Variants in GPHN observed in about 807,000 individuals in gnomAD.
GPHN encodes gephyrin.
A neutral mutation model predicts 95.5 loss-of-function variants in GPHN; 17 were observed. The ratio of observed to expected loss-of-function variants is 0.18; its 90% confidence interval spans 0.12 to 0.27. The LOEUF (loss-of-function observed/expected upper bound fraction) is 0.27, where lower values mean the gene tolerates loss of function less well. GPHN is among the 10% of genes least tolerant of loss of function. The pLI is 1.00. For missense variants in GPHN, 660 were observed against 978.1 expected, an observed-to-expected ratio of 0.67 and a Z score of 4.34; for synonymous variants, 320 against 322.5, an observed-to-expected ratio of 0.99 and a Z score of 0.08.
the GPHN span, among the ~76,000 whole-genome samples, chr14:67,197,697 A>C: frequency 2.0e-5 from 3 of 152,148 alleles, no homozygotes; most frequent in Admixed American, 1.3e-4. Flanking sequence ...CTGCTTACAA[A>C]AAGGGATTGG....
At chr14:66,647,629 CAAT>C (rs1043486985) in intron 1 of GPHN, among the ~76,000 whole-genome samples, 3 of 151,486 alleles carry the variant, frequency 2.0e-5, no homozygotes, top group African/African-American at 7.3e-5. Flanking sequence ...ATGAGATTAA[CAAT>C]AACTAATAAT....
chr14:67,139,827 G>A (rs2080343819), intron 17 of GPHN, among the ~76,000 whole-genome samples: 1 of 152,058 alleles, frequency 6.6e-6, no homozygotes, highest in Non-Finnish European at 1.5e-5. Context: ...GATAGAGTAT[G>A]GCAGGACCCA....
chr14:67,489,923 G>C, the GPHN span, among the ~76,000 whole-genome samples: 1 of 151,948 alleles, frequency 6.6e-6, no homozygotes, highest in South Asian at 2.1e-4. Flanking sequence ...CTGGGAGGCA[G>C]AGCTTGCAGT....
chr14:67,380,101 T>C, the GPHN span, among the ~76,000 whole-genome samples: 3 of 152,194 alleles, frequency 2.0e-5, no homozygotes, highest in Non-Finnish European at 2.9e-5. Flanking sequence ...CTTTACTTTT[T>C]ACAGTGCTAC....
chr14:67,610,895 A>G, the GPHN span: 5 of 152,184 alleles, frequency 3.3e-5, no homozygotes, highest in African/African-American at 7.2e-5. Flanking sequence ...ATTATTAATT[A>G]AATTATTTCT....
At chr14:67,631,454 GA>G in the GPHN span, among the ~76,000 whole-genome samples, 2 of 28,408 alleles carry the variant, frequency 7.0e-5, no homozygotes, top group Admixed American at 4.0e-4. Context: ...TTTTTTTTTT[GA>G]GACAGGGTCT....
the GPHN span, among the ~76,000 whole-genome samples, chr14:67,655,416 G>A: frequency 1.3e-5 from 2 of 152,168 alleles, no homozygotes; most frequent in African/African-American, 2.4e-5. Context: ...CAGAGTGACA[G>A]CAGACTAGAG....
chr14:67,278,819 G>A, the GPHN span, among the ~76,000 whole-genome samples: 1 of 152,018 alleles, frequency 6.6e-6, no homozygotes, highest in African/African-American at 2.4e-5. Context: ...CACATTTTTG[G>A]AAAGGGACTT....
At chr14:67,312,746 A>G in the GPHN span, 1 of 1,417,636 alleles carries the variant, frequency 7.1e-7, no homozygotes, top group South Asian at 1.7e-5. Flanking sequence ...CATAATATTA[A>G]AAGAACATTG....
the GPHN span, among the ~76,000 whole-genome samples, chr14:67,258,944 G>A: frequency 6.6e-6 from 1 of 152,000 alleles, no homozygotes; most frequent in East Asian, 1.9e-4. Flanking sequence ...CCGGGTTCAA[G>A]TGATTTTCCT....
the GPHN span, among the ~76,000 whole-genome samples, chr14:67,496,767 C>T: frequency 8.3e-6 from 1 of 120,088 alleles, no homozygotes; most frequent in Non-Finnish European, 1.8e-5. Flanking sequence ...CCCTCCCTCC[C>T]TTCCTCCCTC....
At chr14:66,519,180 C>A (rs528924941) in intron 1 of GPHN, among the ~76,000 whole-genome samples, 1 of 151,902 alleles carries the variant, frequency 6.6e-6, no homozygotes, top group African/African-American at 2.4e-5. Flanking sequence ...TTATGTCATT[C>A]TTTTAATTAG....
the GPHN span, among the ~76,000 whole-genome samples, chr14:67,296,712 T>C: frequency 2.7e-4 from 41 of 152,076 alleles, no homozygotes; most frequent in Admixed American, 1.6e-3. Context: ...AATTAACTTA[T>C]ATGAATAGGT....
At chr14:66,703,090 AG>A (rs1329190179) in intron 2 of GPHN, among the ~76,000 whole-genome samples, 1 of 152,188 alleles carries the variant, frequency 6.6e-6, no homozygotes, top group Non-Finnish European at 1.5e-5. Context: ...ACAAGAGTAG[AG>A]ATAAAAGAAT....
At chr14:66,526,688 G>C (rs1353905772) in intron 1 of GPHN, among the ~76,000 whole-genome samples, 1 of 152,050 alleles carries the variant, frequency 6.6e-6, no homozygotes, top group Non-Finnish European at 1.5e-5. Flanking sequence ...AGCATGAAGG[G>C]GTGTTGAATT....
chr14:67,003,838 A>C (rs1370006538), intron 9 of GPHN, among the ~76,000 whole-genome samples: 1 of 151,668 alleles, frequency 6.6e-6, no homozygotes, highest in African/African-American at 2.4e-5. Context: ...CTGTTTCTTC[A>C]TATCTTGTAA....
the GPHN span, among the ~76,000 whole-genome samples, chr14:67,490,422 G>A: frequency 6.6e-6 from 1 of 152,212 alleles, no homozygotes; most frequent in South Asian, 2.1e-4. Flanking sequence ...GGCATCAGGG[G>A]AGATACTGCA....
At chr14:67,514,822 C>T in the GPHN span, among the ~76,000 whole-genome samples, 1 of 152,206 alleles carries the variant, frequency 6.6e-6, no homozygotes, top group Non-Finnish European at 1.5e-5. Context: ...CCCAACACGC[C>T]CCCCTGTGCG....
the GPHN span, chr14:67,642,089 A>G: frequency 1.7e-6 from 2 of 1,160,964 alleles, no homozygotes; most frequent in South Asian, 1.4e-5. Flanking sequence ...AATGATTATG[A>G]TGTGTACTTT....
Sources: gnomAD v4.1 joint callset for allele counts (sites outside exome capture counted in the v4.1 genomes callset) on GRCh38, gnomAD v4.1.1 for gene constraint, MANE v1.5 for transcripts, NCBI Gene and HGNC (gene_info 2026-07-23, HGNC 2026-07-21) for gene names.